Variants in ANO10 observed in about 807,000 individuals in gnomAD.
The protein encoded by ANO10 is anoctamin-10.
ANO10 carries 77 observed loss-of-function variants against 74.7 expected under a neutral mutation model. The ratio of observed to expected loss-of-function variants is 1.03; its 90% CI spans 0.86 to 1.25. The LOEUF (loss-of-function observed/expected upper bound fraction) is 1.25. ANO10 is among the 50% of genes most tolerant of loss of function. The pLI, the probability that ANO10 is intolerant of heterozygous loss-of-function variation, is 0.00. For missense variants in ANO10, 721 were observed against 778.1 expected (o/e 0.93, Z 0.87); for synonymous variants, 279 against 284.9 (o/e 0.98, Z 0.21).
At chr3:43,655,801 G>A (rs1424273432) in intron 1 of ANO10, among the ~76,000 whole-genome samples, 1 of 141,334 alleles carries the variant, frequency 7.1e-6, no homozygotes, top group Non-Finnish European at 1.5e-5. Context: ...GCTAGATACA[G>A]AGTGCCGATT....
rs530242705 is a variant in ANO10, at chr3:43,485,962, A to G, written c.1798-53235T>C. The G allele has an allele frequency of 1.3e-5, 3 of 229,970 alleles. No individual in the cohort carries two copies. In the South Asian group the frequency reaches 1.4e-4, roughly 11 times the overall value. 14.2% of individuals were successfully genotyped at this position (229,970 alleles called of 1,614,324 possible). On this transcript the variant is annotated intron_variant, in intron 11 of 12. Transcript: ENST00000292246. ...TTAATTGCACTTGAAGAAAATAAAA[A>G]TATTTTACCCCAAAGTATATTTCCT...
At chr3:43,609,240 A>G (rs891767687) in intron 1 of ANO10, among the ~76,000 whole-genome samples, 4 of 152,194 alleles carry the variant, frequency 2.6e-5, no homozygotes, top group African/African-American at 9.7e-5. Context: ...AGATATCCAA[A>G]TTCTGTATGT....
intron 12 of ANO10, among the ~76,000 whole-genome samples, chr3:43,369,141 C>T (rs1049562160): frequency 1.3e-5 from 2 of 152,212 alleles, no homozygotes; most frequent in Non-Finnish European, 2.9e-5. Context: ...TTCTGGGGTG[C>T]CCCCCACTTG....
At chr3:43,617,968 A>G (rs931529405) in intron 1 of ANO10, 1 of 152,260 alleles carries the variant, frequency 6.6e-6, no homozygotes, top group East Asian at 1.9e-4. Flanking sequence ...GGCCAGGCTA[A>G]AAGAGGGCCA....
At chr3:43,681,520 G>C (rs1426526065) in intron 1 of ANO10, among the ~76,000 whole-genome samples, 6 of 151,980 alleles carry the variant, frequency 3.9e-5, no homozygotes, top group African/African-American at 1.5e-4. Flanking sequence ...ACAGATCAAC[G>C]AGACAGAAAG....
intron 11 of ANO10, among the ~76,000 whole-genome samples, chr3:43,507,811 A>G (rs2149170246): frequency 6.6e-6 from 1 of 152,286 alleles, no homozygotes; most frequent in East Asian, 1.9e-4. Flanking sequence ...CCATCTGCAC[A>G]CGGGTCTGGT....
At chr3:43,512,297 G>C (rs1207118001) in intron 11 of ANO10, among the ~76,000 whole-genome samples, 1 of 152,060 alleles carries the variant, frequency 6.6e-6, no homozygotes, top group Admixed American at 6.5e-5. Flanking sequence ...AATATCTCAG[G>C]GACCAGTCAG....
At chr3:43,404,875 T>TGA (rs2092547834) in intron 12 of ANO10, among the ~76,000 whole-genome samples, 1 of 28,394 alleles carries the variant, frequency 3.5e-5, no homozygotes, top group Admixed American at 5.4e-4. Flanking sequence ...AGAACCTGTC[T>TGA]CAAAAAAAAA....
chr3:43,512,239 T>C (rs1029320473), intron 11 of ANO10, among the ~76,000 whole-genome samples: 5 of 152,148 alleles, frequency 3.3e-5, no homozygotes, highest in African/African-American at 1.2e-4. Context: ...TTTCCAGCAC[T>C]GAGAACAACT....
chr3:43,487,740 C>A (rs999459296), intron 11 of ANO10, among the ~76,000 whole-genome samples: 6 of 151,700 alleles, frequency 4.0e-5, no homozygotes, highest in African/African-American at 1.2e-4. Flanking sequence ...TTTTGTTGAT[C>A]CTTTCAAAAA....
At chr3:43,472,671 C>T (rs1225262478) in intron 11 of ANO10, 2 of 151,744 alleles carry the variant, frequency 1.3e-5, no homozygotes, top group Non-Finnish European at 2.9e-5. Flanking sequence ...TCCTATTTGA[C>T]GTAGGAGGAA....
chr3:43,432,944 C>CTTTTTTTTTATTTTTTTTTTTTTTT (rs2093008867), intron 11 of ANO10, among the ~76,000 whole-genome samples: 1 of 55,276 alleles, frequency 1.8e-5, no homozygotes, highest in Non-Finnish European at 3.3e-5. Context: ...TTGCTTAATT[C>CTTTTTTTTTATTTTTTTTTTTTTTT]TTTTTTTTTT....
At chr3:43,432,117 CTTTTT>C in intron 12 of ANO10, among the ~76,000 whole-genome samples, 1 of 133,958 alleles carries the variant, frequency 7.5e-6, no homozygotes, top group South Asian at 2.4e-4. Flanking sequence ...TCCAGCATGG[CTTTTT>C]TTTTTTTTTT....
chr3:43,596,498 A>G (rs1160483633), intron 4 of ANO10, among the ~76,000 whole-genome samples: 3 of 152,306 alleles, frequency 2.0e-5, no homozygotes, highest in Non-Finnish European at 2.9e-5. Flanking sequence ...ACCTGACAAA[A>G]ACAAGAAATA....
At chr3:43,649,754 G>T (rs2083767366) in intron 1 of ANO10, among the ~76,000 whole-genome samples, 1 of 152,230 alleles carries the variant, frequency 6.6e-6, no homozygotes, top group South Asian at 2.1e-4. Context: ...CTCAGCTATT[G>T]TGCTAATTAG....
At chr3:43,485,188 T>C in intron 11 of ANO10, 3 of 707,128 alleles carry the variant, frequency 4.2e-6, no homozygotes, top group South Asian at 1.5e-5. Context: ...GCGCCTGCGG[T>C]GGTCAGGTAC....
At chr3:43,408,471 A>G (rs2092614003) in intron 12 of ANO10, among the ~76,000 whole-genome samples, 1 of 152,198 alleles carries the variant, frequency 6.6e-6, no homozygotes, top group Non-Finnish European at 1.5e-5. Context: ...GCTTGCTCTT[A>G]TATTTCACTT....
At chr3:43,670,356 A>AT (rs1575587375) in intron 1 of ANO10, among the ~76,000 whole-genome samples, 1 of 151,338 alleles carries the variant, frequency 6.6e-6, no homozygotes, top group Admixed American at 6.6e-5. Flanking sequence ...AAATAAATAA[A>AT]ATAATAAATC....
At chr3:43,653,927 G>GGT (rs2083816848) in intron 1 of ANO10, among the ~76,000 whole-genome samples, 1 of 145,116 alleles carries the variant, frequency 6.9e-6, no homozygotes, top group Non-Finnish European at 1.5e-5. Flanking sequence ...GTTTGCTGGG[G>GGT]TTTTTTTTTT....
Sources: allele counts gnomAD v4.1 joint callset (sites outside exome capture counted in the v4.1 genomes callset), GRCh38; gene constraint gnomAD v4.1.1; transcripts MANE v1.5; gene names NCBI Gene and HGNC (gene_info 2026-07-23, HGNC 2026-07-21).